The following KIF13B variants were observed in gnomAD, a reference collection of about 807,000 sequenced individuals.
KIF13B encodes the protein kinesin family member 13B.
A neutral mutation model predicts 222.0 loss-of-function variants in KIF13B; 127 were observed. The ratio of observed to expected loss-of-function variants is 0.57; its 90% CI spans 0.50 to 0.66. The LOEUF (loss-of-function observed/expected upper bound fraction) is 0.66. KIF13B is among the 30% of genes least tolerant of loss of function. The pLI is 0.00. For synonymous variants in KIF13B, 976 were observed against 919.0 expected (o/e 1.06, Z -1.12); for missense variants, 2,173 against 2,379.0 (o/e 0.91, Z 1.80).
intron 10 of KIF13B, among the ~76,000 whole-genome samples, chr8:29,169,818 C>A (rs1381967486): frequency 6.6e-6 from 1 of 152,178 alleles, no homozygotes; most frequent in Non-Finnish European, 1.5e-5. Flanking sequence ...CACAGGAATT[C>A]AATCTCATCA....
chr8:29,099,116 G>C lies in KIF13B; in HGVS notation c.4324+17C>G. 1 of 1,562,728 alleles carries C rather than the reference G, an allele frequency of 6.4e-7. No individual in the cohort carries two copies. The highest frequency in any genetic ancestry group is 8.8e-7 in the Non-Finnish European group (1 of 1,133,204). ...TCAGATTTCTGACAGTAATTGACAA[G>C]TGAAAAGATAACTTACCTGGATCTG... On this transcript the variant is annotated intron_variant, in intron 36 of 39. Transcript: ENST00000524189.
intron 12 of KIF13B, among the ~76,000 whole-genome samples, chr8:29,165,086 G>A (rs1407419124): frequency 6.6e-6 from 1 of 152,166 alleles, no homozygotes; most frequent in Non-Finnish European, 1.5e-5. Context: ...GACCTCAGGT[G>A]ATCCACCTGT....
intron 1 of KIF13B, among the ~76,000 whole-genome samples, chr8:29,252,196 C>T (rs539198967): frequency 2.0e-5 from 3 of 152,326 alleles, no homozygotes; most frequent in Non-Finnish European, 4.4e-5. Flanking sequence ...ATATCAACAG[C>T]TGACAACTCA....
At chr8:29,077,340 G>T (rs917418123) in intron 37 of KIF13B, among the ~76,000 whole-genome samples, 1 of 152,202 alleles carries the variant, frequency 6.6e-6, no homozygotes, top group Non-Finnish European at 1.5e-5. Flanking sequence ...GCTCAAGCAC[G>T]CGTCCCACAC....
Position 29,071,542 on chromosome 8 carries a change from T to A in KIF13B, c.5218+78A>T, listed in dbSNP as rs568367119. 3,500 of 1,315,998 alleles carry A rather than the reference T, an allele frequency of 2.7e-3. 9 individuals carry two copies. The highest frequency in any genetic ancestry group is 3.2e-3 in the Non-Finnish European group (3,048 of 948,242). 81.5% of individuals were successfully genotyped at this position (1,315,998 alleles called of 1,614,324 possible). On this transcript the variant is annotated intron_variant, in intron 39 of 39. Coordinates refer to ENST00000524189, the MANE Select transcript of KIF13B (RefSeq NM_015254.4). The surrounding 1 kb of genome is among the most constrained non-coding windows in gnomAD (Gnocchi z 4.9). ...CCCTCCCTCTCCTGCCCGGACCCTG[T>A]CCCCTCCCAGGCCGGCCACGTTCCT...
rs76800943 is a variant in KIF13B at position 29,161,709 on chromosome 8, A to C, written c.1270-842T>G. On this transcript the variant is annotated intron_variant, in intron 12 of 39. Coordinates refer to ENST00000524189, the MANE Select transcript of KIF13B (RefSeq NM_015254.4). ...AGACTCCATCTCAAAACCCCCCCCC[A>C]AAAAAAAACAAAAAACAAACAAACA... Among the ~76,000 whole-genome samples the C allele has an allele frequency of 6.5e-3, 478 of 73,834 alleles. 10 individuals are homozygous for C. Among genetic ancestry groups the C allele is most frequent in the African/African-American group, 0.018 (403 of 22,972 alleles). 48.4% of individuals were successfully genotyped at this position (73,834 alleles called of 152,430 possible).
chr8:29,215,350 C>A (rs998843472), intron 2 of KIF13B, among the ~76,000 whole-genome samples: 4 of 152,086 alleles, frequency 2.6e-5, no homozygotes, highest in East Asian at 1.9e-4. Flanking sequence ...AAAAATAATT[C>A]TTTCATTATT....
chr8:29,194,561 G>C (rs963892639), intron 3 of KIF13B, among the ~76,000 whole-genome samples: 1 of 152,098 alleles, frequency 6.6e-6, no homozygotes, highest in Non-Finnish European at 1.5e-5. Flanking sequence ...CAATATGAAA[G>C]TGCCACAGCC....
rs190562801 is a variant in KIF13B, at chr8:29,173,917, T to C, written c.945+2151A>G. Among the ~76,000 whole-genome samples, 915 of 139,042 alleles carry C rather than the reference T, an allele frequency of 6.6e-3. 7 individuals carry two copies. The highest frequency in any genetic ancestry group is 0.043 in the Middle Eastern group (10 of 234). 91.2% of individuals were successfully genotyped at this position (139,042 alleles called of 152,430 possible). On this transcript the variant is annotated intron_variant, in intron 10 of 39. Coordinates refer to ENST00000524189, the MANE Select transcript of KIF13B (RefSeq NM_015254.4). ...GAGACTGCGCCACTACACTCCAGCCTGGGCAACAGAGCGAGGCTCCGTCTC... is the reference window on the plus strand; with the variant it reads ...GAGACTGCGCCACTACACTCCAGCCCGGGCAACAGAGCGAGGCTCCGTCTC...
chr8:29,191,214 G>A lies in KIF13B; in HGVS notation c.163-157C>T, dbSNP rs141919080. On this transcript the variant is annotated intron_variant, in intron 3 of 39. Transcript: ENST00000524189. Reference sequence around the variant, plus strand: ...GAGGCTTACAATGAGAACTAAACATGCTATAGGTGATATGACTCTATATTT... The same window carrying A: ...GAGGCTTACAATGAGAACTAAACATACTATAGGTGATATGACTCTATATTT... Among the ~76,000 whole-genome samples, 556 of 152,260 alleles carry A rather than the reference G, an allele frequency of 3.7e-3. 4 individuals carry two copies. Among genetic ancestry groups the A allele is most frequent in the African/African-American group, 0.013 (531 of 41,538 alleles).
At chr8:29,199,474 A>C (rs928538678) in intron 2 of KIF13B, among the ~76,000 whole-genome samples, 1 of 151,914 alleles carries the variant, frequency 6.6e-6, no homozygotes, top group Non-Finnish European at 1.5e-5. Flanking sequence ...AATCTTTCTG[A>C]AATGGTCCAA....
Position 29,070,371 on chromosome 8 carries a change from G to A in KIF13B, c.*133C>T. On this transcript the variant is annotated 3_prime_UTR_variant, in exon 40 of 40. Transcript: ENST00000524189. The surrounding 1 kb of genome is among the most constrained non-coding windows in gnomAD (Gnocchi z 4.1). ...GAGGCCCAGGGAGGTCACCAGCCCTGTGTCGTGCAAAAAGCATTCATCGCC... is the reference window on the plus strand; with the variant it reads ...GAGGCCCAGGGAGGTCACCAGCCCTATGTCGTGCAAAAAGCATTCATCGCC... The A allele has an allele frequency of 1.0e-6, 1 of 984,076 alleles. No individual in the cohort carries two copies. The highest frequency in any genetic ancestry group is 1.5e-6 in the Non-Finnish European group (1 of 667,584). The allele number at this position is 984,076 out of a possible 1,614,324, so 61.0% of individuals were successfully genotyped here.
intron 12 of KIF13B, among the ~76,000 whole-genome samples, chr8:29,164,652 C>T (rs183317590): frequency 7.0e-4 from 106 of 152,308 alleles, no homozygotes; most frequent in African/African-American, 2.5e-3. Flanking sequence ...ATCGCTACTA[C>T]TGGAGTTGTC....
chr8:29,109,293 G>A, intron 34 of KIF13B, 141 bp downstream of exon 34: 1 of 681,654 alleles, frequency 1.5e-6, no homozygotes, highest in Admixed American at 2.4e-5. Flanking sequence ...CCAGTGGGGT[G>A]GAGACCAGGG....
chr8:29,101,913 C>T (rs1036973211), intron 35 of KIF13B, among the ~76,000 whole-genome samples: 8 of 115,578 alleles, frequency 6.9e-5, no homozygotes, highest in African/African-American at 2.1e-4. Context: ...ATTACTCACT[C>T]GATTTTTCTC....
At position 29,245,456 on chromosome 8, in the gene KIF13B, A is replaced by C. The variant is rs1020525573; in HGVS notation, c.56-17T>G. ...AGTCAGTCTCTGTGGATAAAAAAACAAGAAAAACAGTCATTTTAAAAAGTA... is the reference window on the plus strand; with the variant it reads ...AGTCAGTCTCTGTGGATAAAAAAACCAGAAAAACAGTCATTTTAAAAAGTA... On this transcript the variant is annotated splice_polypyrimidine_tract_variant and intron_variant, in intron 1 of 39. Transcript: ENST00000524189. 6 of 1,522,444 alleles carry C rather than the reference A, an allele frequency of 3.9e-6. No individual in the cohort carries two copies. In the African/African-American group the frequency reaches 8.3e-5, roughly 21 times the overall value. The allele number at this position is 1,522,444 out of a possible 1,614,324, so 94.3% of individuals were successfully genotyped here.
At chr8:29,202,155 A>T (rs924244750) in intron 2 of KIF13B, among the ~76,000 whole-genome samples, 1 of 152,186 alleles carries the variant, frequency 6.6e-6, no homozygotes, top group Non-Finnish European at 1.5e-5. Context: ...AAGAAGGGGA[A>T]ATCCCTGTAG....
rs1811968340 is a variant in KIF13B at position 29,165,770 on chromosome 8, T to G, written c.1161A>C (p.Ala387=). 6.2e-7 allele frequency: 1 copy of G among 1,605,164 alleles called. No homozygotes were observed. Among genetic ancestry groups the G allele is most frequent in the South Asian group, 1.1e-5 (1 of 90,874 alleles). The change falls in exon 12 of 40, where the codon GCA becomes GCC. Residue 387 remains alanine, a splice_region_variant and synonymous_variant. Transcript: ENST00000524189. ...KLREQLTKAE[A]MKSPELKDRL... is the part of the protein sequence containing the mutation. ...GGTCCTTTAGCTCTGGAGATTTCAT[T>G]GCCTACAAGCAAAATGTTTACTTCA...
At chr8:29,113,780 A>G (rs1809466873) in intron 31 of KIF13B, among the ~76,000 whole-genome samples, 1 of 152,224 alleles carries the variant, frequency 6.6e-6, no homozygotes, top group South Asian at 2.1e-4. Context: ...TACACCCAAC[A>G]TAGGAAAAGT....
Sources: allele counts gnomAD v4.1 joint callset (sites outside exome capture counted in the v4.1 genomes callset), GRCh38; gene constraint gnomAD v4.1.1; non-coding constraint Gnocchi (gnomAD v3.1); transcripts MANE v1.5; gene names NCBI Gene and HGNC (gene_info 2026-07-23, HGNC 2026-07-21).